KLF8: variants seen among roughly 807,000 people sequenced by gnomAD.
KLF8 encodes Krueppel-like factor 8.
In KLF8, 10 loss-of-function variants were observed where a neutral mutation model predicts 18.2. The ratio of observed to expected loss-of-function variants is 0.55; its 90% CI spans 0.34 to 0.93. The LOEUF is 0.93. KLF8 is among the 40% of genes least tolerant of loss of function. KLF8 has a pLI of 0.02. For missense variants in KLF8, 264 were observed against 277.9 expected (o/e 0.95, Z 0.36); for synonymous variants, 109 against 97.3 (o/e 1.12, Z -0.71).
At chrX:56,053,931 T>C in the KLF8 span, among the ~76,000 whole-genome samples, 1 of 110,719 alleles carries the variant, frequency 9.0e-6, no homozygotes, top group Non-Finnish European at 1.9e-5. Flanking sequence ...GCACTTATTT[T>C]ATTATTTTAT....
the KLF8 span, among the ~76,000 whole-genome samples, chrX:55,916,643 A>C: frequency 9.0e-6 from 1 of 111,537 alleles, no homozygotes; most frequent in Non-Finnish European, 1.9e-5. Context: ...GCTGATACCA[A>C]TGTGCCCAGG....
the KLF8 span, among the ~76,000 whole-genome samples, chrX:56,036,699 A>T: frequency 9.0e-5 from 10 of 111,275 alleles, no homozygotes; most frequent in Non-Finnish European, 1.1e-4. Context: ...AGAATTTAAA[A>T]TTTTTTTTCT....
chrX:56,072,946 T>C, the KLF8 span, among the ~76,000 whole-genome samples: 2 of 110,430 alleles, frequency 1.8e-5, no homozygotes, highest in African/African-American at 6.6e-5. Context: ...AGGGGAATCA[T>C]ACAATATTTT....
the KLF8 span, among the ~76,000 whole-genome samples, chrX:55,960,076 C>T: frequency 1.8e-5 from 2 of 111,853 alleles, no homozygotes; most frequent in African/African-American, 6.5e-5. Context: ...AGCCAGAAGA[C>T]ATTGGAGGCC....
chrX:55,984,199 G>A, the KLF8 span, among the ~76,000 whole-genome samples: 1 of 109,884 alleles, frequency 9.1e-6, no homozygotes, highest in Admixed American at 9.8e-5. Context: ...GTGTGCCAGG[G>A]TGGTTTGGGG....
chrX:56,164,231 A>G, the KLF8 span, among the ~76,000 whole-genome samples: 2 of 99,130 alleles, frequency 2.0e-5, no homozygotes, highest in African/African-American at 7.3e-5. Flanking sequence ...ACTTAACATA[A>G]GACAAGTACT....
At chrX:55,945,349 A>G in the KLF8 span, among the ~76,000 whole-genome samples, 2 of 111,195 alleles carry the variant, frequency 1.8e-5, no homozygotes, top group Non-Finnish European at 3.8e-5. Flanking sequence ...TATTAGGTCC[A>G]CTTGGTGCAG....
At chrX:56,003,737 G>T in the KLF8 span, among the ~76,000 whole-genome samples, 1 of 111,772 alleles carries the variant, frequency 8.9e-6, no homozygotes, top group South Asian at 3.7e-4. Flanking sequence ...CGCTCTTCCT[G>T]GTGGCTGATT....
chrX:56,233,697 C>T (rs1003933344), intron 1 of KLF8, among the ~76,000 whole-genome samples: 7 of 111,777 alleles, frequency 6.3e-5, no homozygotes, highest in Admixed American at 2.8e-4. Context: ...AAGTCACAAC[C>T]AGAGAGAACA....
chrX:55,927,944 G>A, the KLF8 span, among the ~76,000 whole-genome samples: 2 of 111,925 alleles, frequency 1.8e-5, no homozygotes, highest in East Asian at 2.8e-4. Context: ...AAACTAAACA[G>A]TGAACATTGA....
At chrX:56,233,609 G>C (rs755442538) in intron 1 of KLF8, among the ~76,000 whole-genome samples, 7 of 111,962 alleles carry the variant, frequency 6.3e-5, no homozygotes, top group South Asian at 3.7e-4. Flanking sequence ...GATTTGTCTA[G>C]TCTAGTCTCC....
the KLF8 span, among the ~76,000 whole-genome samples, chrX:56,092,044 G>A: frequency 1.9e-4 from 18 of 95,967 alleles, no homozygotes; most frequent in Non-Finnish European, 3.5e-4. Context: ...GTATCTGATT[G>A]CATGGTTTTA....
chrX:56,150,648 C>G, the KLF8 span, among the ~76,000 whole-genome samples: 10 of 110,855 alleles, frequency 9.0e-5, no homozygotes, highest in East Asian at 2.6e-3. Context: ...AATAGTCTCT[C>G]TTTGGTTTCC....
intron 5 of KLF8, among the ~76,000 whole-genome samples, chrX:56,276,799 T>A (rs1385281676): frequency 4.5e-5 from 5 of 111,762 alleles, no homozygotes; most frequent in African/African-American, 1.6e-4. Flanking sequence ...TTTCCCTAGG[T>A]TGGGAAGTTC....
chrX:55,999,512 T>A, the KLF8 span, among the ~76,000 whole-genome samples: 1 of 109,278 alleles, frequency 9.2e-6, no homozygotes, highest in East Asian at 2.8e-4. Context: ...ATGTTTTCTT[T>A]TATCAGTGTT....
the KLF8 span, among the ~76,000 whole-genome samples, chrX:56,105,472 C>A: frequency 1.3e-4 from 14 of 110,567 alleles, no homozygotes; most frequent in African/African-American, 4.6e-4. Context: ...TATGTAATGG[C>A]CTTCTTTCAT....
chrX:56,248,526 G>T (rs1231096154), intron 1 of KLF8, among the ~76,000 whole-genome samples: 1 of 111,611 alleles, frequency 9.0e-6, no homozygotes, highest in Non-Finnish European at 1.9e-5. Flanking sequence ...TAATCCATAG[G>T]AATCGAAGAA....
the KLF8 span, among the ~76,000 whole-genome samples, chrX:56,149,531 T>A: frequency 9.0e-6 from 1 of 110,505 alleles, no homozygotes; most frequent in Non-Finnish European, 1.9e-5. Context: ...AACCTCAGCA[T>A]CAAACAATAC....
chrX:56,280,233 A>G (rs1001543203), intron 5 of KLF8, among the ~76,000 whole-genome samples: 3 of 111,196 alleles, frequency 2.7e-5, no homozygotes, highest in Non-Finnish European at 5.7e-5. Flanking sequence ...GATTCTTACC[A>G]TTATCTTTTT....
Sources: gnomAD v4.1 joint callset for allele counts (sites outside exome capture counted in the v4.1 genomes callset) on GRCh38, gnomAD v4.1.1 for gene constraint, MANE v1.5 for transcripts, NCBI Gene and HGNC (gene_info 2026-07-23, HGNC 2026-07-21) for gene names.